The following CEP70 variants were observed in gnomAD, a reference collection of about 807,000 sequenced individuals.
CEP70 encodes centrosomal protein 70, also known as centrosomal protein of 70 kDa.
A neutral mutation model predicts 90.9 loss-of-function variants in CEP70; 70 were observed. That is an observed-to-expected ratio of 0.77 (90% CI 0.64 to 0.94). The LOEUF is 0.94. Among genes scored for constraint, CEP70 ranks in the 40% least tolerant of loss-of-function variants. The probability of loss-of-function intolerance (pLI) is 0.00; values close to 1 mark genes in which losing one functional copy is unlikely to be tolerated. For synonymous variants in CEP70, 220 were observed against 228.3 expected, an observed-to-expected ratio of 0.96 and a Z score of 0.33; for missense variants, 648 against 669.0, an observed-to-expected ratio of 0.97 and a Z score of 0.35.
Position 138,553,523 on chromosome 3 carries a change from G to A in CEP70, c.466-16176C>T, listed in dbSNP as rs1173477670. On this transcript the variant is annotated intron_variant, in intron 6 of 17. Coordinates refer to ENST00000264982, the MANE Select transcript of CEP70 (RefSeq NM_024491.4). ...AAATCCAGGACTAGACAGATTGACA[G>A]CTGAATTCTACCAGACATTCAAAGA... 7.9e-5 allele frequency among the ~76,000 whole-genome samples: 12 copies of A among 150,946 alleles called. No individual in the cohort carries two copies. The Admixed American group carries it at 8.0e-4, about 10-fold the overall frequency.
At chr3:138,530,365 G>A (rs971268324) in intron 8 of CEP70, among the ~76,000 whole-genome samples, 3 of 152,158 alleles carry the variant, frequency 2.0e-5, no homozygotes, top group Non-Finnish European at 4.4e-5. Flanking sequence ...TTGTAGCCTA[G>A]TGTGCACTGG....
chr3:138,582,847 A>G (rs1460619465), intron 2 of CEP70, among the ~76,000 whole-genome samples: 5 of 152,154 alleles, frequency 3.3e-5, no homozygotes, highest in African/African-American at 9.6e-5. Context: ...ACATCCAAAA[A>G]CATACAATGG....
chr3:138,514,338 G>A (rs1337678732), intron 11 of CEP70, among the ~76,000 whole-genome samples: 2 of 152,122 alleles, frequency 1.3e-5, no homozygotes, highest in Non-Finnish European at 2.9e-5. Flanking sequence ...GATTGTATCT[G>A]CCTTGCTATA....
intron 2 of CEP70, among the ~76,000 whole-genome samples, chr3:138,573,143 T>C (rs767104467): frequency 2.0e-5 from 3 of 152,152 alleles, no homozygotes; most frequent in Admixed American, 2.0e-4. Context: ...CCCTATCTTA[T>C]AATGTTCTCC....
At chr3:138,497,324 C>T (rs928416605) in intron 17 of CEP70, 2 of 1,243,114 alleles carry the variant, frequency 1.6e-6, no homozygotes, top group South Asian at 1.4e-5. Flanking sequence ...AGCAAAGAGC[C>T]ATTCTTTAAA....
chr3:138,565,724 A>G (rs945664455), intron 6 of CEP70, among the ~76,000 whole-genome samples: 1 of 152,226 alleles, frequency 6.6e-6, no homozygotes, highest in Non-Finnish European at 1.5e-5. Flanking sequence ...TAAAATCCCT[A>G]GAAGAAAACC....
intron 17 of CEP70, chr3:138,497,290 C>T: frequency 7.9e-7 from 1 of 1,267,792 alleles, no homozygotes; most frequent in Non-Finnish European, 1.0e-6. Flanking sequence ...TATTTTCATA[C>T]CAAGCTTCAT....
intron 1 of CEP70, among the ~76,000 whole-genome samples, chr3:138,593,421 T>A (rs1479619982): frequency 1.3e-5 from 2 of 152,088 alleles, no homozygotes; most frequent in African/African-American, 4.8e-5. Context: ...CGTGGTTTCA[T>A]CATGTTGGCC....
chr3:138,517,323 T>C (rs1047304990), intron 11 of CEP70, among the ~76,000 whole-genome samples: 4 of 152,126 alleles, frequency 2.6e-5, no homozygotes, highest in African/African-American at 9.7e-5. Flanking sequence ...ATCAGCCTGG[T>C]AGGTCCAAGC....
chr3:138,592,165 C>T (rs887280905), intron 1 of CEP70, among the ~76,000 whole-genome samples: 3 of 152,196 alleles, frequency 2.0e-5, no homozygotes, highest in South Asian at 2.1e-4. Context: ...TTTCCTCTCC[C>T]TACCTTGTTA....
At chr3:138,521,685 C>T (rs140668917) in intron 11 of CEP70, among the ~76,000 whole-genome samples, 7,206 of 149,332 alleles carry the variant, frequency 0.048, 548 homozygotes, top group African/African-American at 0.17. Context: ...CGCCTCTGCC[C>T]GGCCGCCCCG....
rs566493876 is a variant in CEP70 at position 138,497,286 on chromosome 3, C to T, written c.1732+745G>A. 8.1e-5 allele frequency: 103 copies of T among 1,266,566 alleles called. 1 individual carries two copies. The African/African-American group carries it at 1.5e-3, about 19-fold the overall frequency. 78.5% of individuals were successfully genotyped at this position (1,266,566 alleles called of 1,614,324 possible). On this transcript the variant is annotated intron_variant, in intron 17 of 17. Transcript: ENST00000264982. ...TTTCATTGACTCATTCCCTTATTTT[C>T]ATACCAAGCTTCATCTCCTCTTCTA...
intron 11 of CEP70, among the ~76,000 whole-genome samples, chr3:138,522,555 C>T: frequency 6.6e-6 from 1 of 152,038 alleles, no homozygotes. Context: ...ACCACAGATC[C>T]CACAGAAATA....
chr3:138,550,520 C>T (rs1478848581), intron 6 of CEP70, among the ~76,000 whole-genome samples: 5 of 152,138 alleles, frequency 3.3e-5, no homozygotes, highest in African/African-American at 9.7e-5. Context: ...TGTGCCACCA[C>T]GCTTGGCTAA....
intron 6 of CEP70, among the ~76,000 whole-genome samples, chr3:138,557,497 C>T (rs962833800): frequency 1.3e-5 from 2 of 152,206 alleles, no homozygotes; most frequent in Non-Finnish European, 2.9e-5. Context: ...GCAGTAAAGA[C>T]AGGCATAAGA....
At chr3:138,512,779 C>A (rs2108742368) in intron 11 of CEP70, among the ~76,000 whole-genome samples, 1 of 152,250 alleles carries the variant, frequency 6.6e-6, no homozygotes. Context: ...TCTGTTGGAG[C>A]TTTTCCATGA....
rs201476730 is a variant in CEP70, at chr3:138,515,569, GA to G, written c.945-7026del. ...AACAGGGCAGATCATCATCTTGTTT[GA>G]AAACTAAACATGTGTGTGTTGGGTG... On this transcript the variant is annotated intron_variant, in intron 11 of 17. Transcript: ENST00000264982. 4.8e-3 allele frequency among the ~76,000 whole-genome samples: 724 copies of G among 150,870 alleles called. 4 individuals carry two copies. The highest frequency in any genetic ancestry group is 0.017 in the African/African-American group (697 of 41,212).
At chr3:138,572,804 A>G (rs1027169926) in intron 3 of CEP70, 55 bp downstream of exon 3, 8 of 1,113,660 alleles carry the variant, frequency 7.2e-6, no homozygotes, top group Admixed American at 3.5e-5. Flanking sequence ...TTGTAGATGT[A>G]GCATTCTTTG....
intron 2 of CEP70, among the ~76,000 whole-genome samples, chr3:138,575,443 G>A (rs1205577335): frequency 6.6e-6 from 1 of 152,120 alleles, no homozygotes; most frequent in Non-Finnish European, 1.5e-5. Context: ...AAGAAATATG[G>A]GACTATGTGA....
Sources: allele counts gnomAD v4.1 joint callset (sites outside exome capture counted in the v4.1 genomes callset), GRCh38; gene constraint gnomAD v4.1.1; transcripts MANE v1.5; gene names NCBI Gene and HGNC (gene_info 2026-07-23, HGNC 2026-07-21).